The following HEMK2 variants were observed in gnomAD, a reference collection of about 807,000 sequenced individuals.
HEMK2 encodes the protein methyltransferase HEMK2.
chr21:28,744,405 G>A, the HEMK2 span, among the ~76,000 whole-genome samples: 1 of 152,190 alleles, frequency 6.6e-6, no homozygotes, highest in African/African-American at 2.4e-5. Context: ...TGGATTTGCT[G>A]TTCCTGAAAG....
the HEMK2 span, among the ~76,000 whole-genome samples, chr21:28,685,643 G>A: frequency 3.9e-5 from 6 of 152,058 alleles, no homozygotes; most frequent in Admixed American, 2.6e-4. Flanking sequence ...AAACAAAGCC[G>A]GATGCTAAAG....
the HEMK2 span, among the ~76,000 whole-genome samples, chr21:28,778,807 G>C: frequency 6.6e-6 from 1 of 152,090 alleles, no homozygotes; most frequent in Non-Finnish European, 1.5e-5. Context: ...GGGTTTAGTT[G>C]ATTTTTTATA....
At chr21:28,600,272 T>A in the HEMK2 span, among the ~76,000 whole-genome samples, 1 of 152,260 alleles carries the variant, frequency 6.6e-6, no homozygotes, top group East Asian at 1.9e-4. Flanking sequence ...CTTCTATACA[T>A]CCTCTGAAAT....
At chr21:28,732,019 C>T in the HEMK2 span, among the ~76,000 whole-genome samples, 47 of 152,210 alleles carry the variant, frequency 3.1e-4, 1 homozygote, top group Non-Finnish European at 5.4e-4. Context: ...GTCGGAAAAG[C>T]GTTGCTTTGA....
chr21:28,633,604 G>C, the HEMK2 span, among the ~76,000 whole-genome samples: 1 of 152,054 alleles, frequency 6.6e-6, no homozygotes, highest in Non-Finnish European at 1.5e-5. Context: ...TGTTCTTTTA[G>C]AAACCAGAGG....
the HEMK2 span, among the ~76,000 whole-genome samples, chr21:28,580,536 G>A: frequency 6.8e-6 from 1 of 148,134 alleles, no homozygotes; most frequent in East Asian, 2.0e-4. Flanking sequence ...AGTTCAACTA[G>A]CTTGGCTAAA....
chr21:28,757,542 G>A, the HEMK2 span, among the ~76,000 whole-genome samples: 1 of 152,134 alleles, frequency 6.6e-6, no homozygotes, highest in African/African-American at 2.4e-5. Flanking sequence ...CCCAAATACA[G>A]ATGTGTTAGT....
At chr21:28,839,865 A>G in the HEMK2 span, among the ~76,000 whole-genome samples, 1 of 152,128 alleles carries the variant, frequency 6.6e-6, no homozygotes, top group Non-Finnish European at 1.5e-5. Context: ...TAGAAAAACA[A>G]TTCCAAAATT....
the HEMK2 span, among the ~76,000 whole-genome samples, chr21:28,738,017 G>A: frequency 6.6e-6 from 1 of 152,202 alleles, no homozygotes; most frequent in African/African-American, 2.4e-5. Context: ...CATTATGGGA[G>A]GGCTGGAGGA....
the HEMK2 span, among the ~76,000 whole-genome samples, chr21:28,778,545 C>G: frequency 6.6e-6 from 1 of 152,148 alleles, no homozygotes; most frequent in South Asian, 2.1e-4. Flanking sequence ...ATATTCCCAC[C>G]AGCTATGTAG....
the HEMK2 span, among the ~76,000 whole-genome samples, chr21:28,663,672 TTCTC>T: frequency 1.4e-4 from 21 of 152,244 alleles, no homozygotes; most frequent in African/African-American, 4.8e-4. Context: ...TTTCTGTTGT[TTCTC>T]TCTGTCTTTT....
chr21:28,705,676 G>A, the HEMK2 span, among the ~76,000 whole-genome samples: 50,538 of 151,878 alleles, frequency 0.33, 9,652 homozygotes, highest in African/African-American at 0.51. Flanking sequence ...ATTATCTGAC[G>A]GTTCTGTAGG....
the HEMK2 span, among the ~76,000 whole-genome samples, chr21:28,655,829 T>A: frequency 1.3e-5 from 2 of 152,072 alleles, no homozygotes; most frequent in African/African-American, 4.8e-5. Flanking sequence ...AAATTAAATG[T>A]TATTTCCACT....
chr21:28,856,608 TTG>T, the HEMK2 span, among the ~76,000 whole-genome samples: 1 of 152,226 alleles, frequency 6.6e-6, no homozygotes, highest in South Asian at 2.1e-4. Flanking sequence ...GGTTGTCACA[TTG>T]TGACTGACTA....
chr21:28,654,108 T>A, the HEMK2 span, among the ~76,000 whole-genome samples: 6 of 152,114 alleles, frequency 3.9e-5, no homozygotes, highest in Admixed American at 3.9e-4. Context: ...AAGAGGAAGA[T>A]CTGATAAAAC....
chr21:28,845,171 T>C, the HEMK2 span, among the ~76,000 whole-genome samples: 1 of 152,122 alleles, frequency 6.6e-6, no homozygotes. Flanking sequence ...TTTTCTTTTC[T>C]TCCAGATGGA....
the HEMK2 span, among the ~76,000 whole-genome samples, chr21:28,834,801 T>G: frequency 6.6e-6 from 1 of 151,906 alleles, no homozygotes; most frequent in Non-Finnish European, 1.5e-5. Context: ...GATCTGGTGG[T>G]GGGGGCATGG....
At chr21:28,777,765 C>A in the HEMK2 span, among the ~76,000 whole-genome samples, 1 of 152,102 alleles carries the variant, frequency 6.6e-6, no homozygotes, top group South Asian at 2.1e-4. Flanking sequence ...GGTCATCAAA[C>A]AGTGTTTGAT....
the HEMK2 span, among the ~76,000 whole-genome samples, chr21:28,791,035 C>G: frequency 6.6e-6 from 1 of 152,082 alleles, no homozygotes; most frequent in African/African-American, 2.4e-5. Context: ...CCTTGATTGA[C>G]AGTATTCCAT....
Sources: allele counts gnomAD v4.1 joint callset (sites outside exome capture counted in the v4.1 genomes callset), GRCh38; gene constraint gnomAD v4.1.1; transcripts MANE v1.5; gene names NCBI Gene and HGNC (gene_info 2026-07-23, HGNC 2026-07-21).